The following KCTD3 variants were observed in gnomAD, a reference collection of about 807,000 sequenced individuals.
KCTD3 encodes potassium channel tetramerization domain containing 3, also known as BTB/POZ domain-containing protein KCTD3.
KCTD3 carries 41 observed loss-of-function variants against 85.8 expected under a neutral mutation model. The observed-to-expected ratio is 0.48, with a 90% CI of 0.37 to 0.62. The LOEUF (loss-of-function observed/expected upper bound fraction) is 0.62. Ranked by LOEUF, KCTD3 falls within the 20% of genes least tolerant of loss-of-function variation. The pLI, the probability that KCTD3 is intolerant of heterozygous loss-of-function variation, is 0.00. For missense variants in KCTD3, 724 were observed against 989.9 expected (o/e 0.73, Z 3.60); for synonymous variants, 338 against 345.4 (o/e 0.98, Z 0.24).
intron 1 of KCTD3, among the ~76,000 whole-genome samples, chr1:215,573,391 T>C (rs765920144): frequency 6.6e-6 from 1 of 152,068 alleles, no homozygotes. Context: ...TATGAAGAAG[T>C]TTTGTCCTAT....
intron 3 of KCTD3, among the ~76,000 whole-genome samples, chr1:215,574,961 T>C (rs1234377149): frequency 6.6e-6 from 1 of 152,120 alleles, no homozygotes; most frequent in Non-Finnish European, 1.5e-5. Flanking sequence ...TAAAAAGTTA[T>C]CAATTATGGG....
At chr1:215,612,059 A>G (rs1655253665) in intron 15 of KCTD3, 138 bp downstream of exon 15, 1 of 602,642 alleles carries the variant, frequency 1.7e-6, no homozygotes, top group Non-Finnish European at 3.0e-6. Flanking sequence ...TCTCATAATC[A>G]TAACTCAAAA....
At chr1:215,611,958 C>G in intron 15 of KCTD3, 37 bp downstream of exon 15, 1 of 1,346,994 alleles carries the variant, frequency 7.4e-7, no homozygotes. Context: ...TATTCAGAAG[C>G]CACCTTTTGT....
At position 215,612,495 on chromosome 1, in the gene KCTD3, A is replaced by C. The variant is rs143510475; in HGVS notation, c.1562+574A>C. Among the ~76,000 whole-genome samples, 404 of 152,190 alleles carry C rather than the reference A, an allele frequency of 2.7e-3. 3 individuals are homozygous for C. Among genetic ancestry groups the C allele is most frequent in the Admixed American group, 0.012 (177 of 15,272 alleles). On this transcript the variant is annotated intron_variant, in intron 15 of 17. Transcript: ENST00000259154. ...GAGAGTAGGATTCCTGTCTTTATGC[A>C]GTCTCCTCAGTATTTGTTTGTGAAT...
intron 13 of KCTD3, among the ~76,000 whole-genome samples, chr1:215,604,802 G>A (rs1654952611): frequency 6.6e-6 from 1 of 151,490 alleles, no homozygotes; most frequent in East Asian, 1.9e-4. Context: ...TGCTAAAACT[G>A]TAGATTTAAA....
rs750591543 is a variant in KCTD3, at chr1:215,574,165, G to A, written c.183+47G>A. On this transcript the variant is annotated intron_variant, in intron 3 of 17. Transcript: ENST00000259154. ...ACATATTCCTAAATTAATGCTTATAGTGCTTGGTCCTAACATATAGTTACT... is the reference window on the plus strand; with the variant it reads ...ACATATTCCTAAATTAATGCTTATAATGCTTGGTCCTAACATATAGTTACT... The A allele has an allele frequency of 2.5e-6, 3 of 1,184,158 alleles. No homozygotes were observed. In the South Asian group the frequency reaches 4.3e-5, roughly 17 times the overall value. The allele number at this position is 1,184,158 out of a possible 1,614,324, so 73.4% of individuals were successfully genotyped here.
chr1:215,601,978 G>T lies in KCTD3; in HGVS notation c.1021+24G>T, dbSNP rs373830757. 4.1e-6 allele frequency: 6 copies of T among 1,464,984 alleles called. No homozygotes were observed. In the Admixed American group the frequency reaches 5.2e-5, roughly 13 times the overall value. The allele number at this position is 1,464,984 out of a possible 1,614,324, so 90.7% of individuals were successfully genotyped here. On this transcript the variant is annotated intron_variant, in intron 11 of 17. Transcript: ENST00000259154. Reference sequence around the variant, plus strand: ...AGGTAAGTGTTCAGTCACTTAAAATGCTCCTGCTTAATGTAATTTTTTAAA... The same window carrying T: ...AGGTAAGTGTTCAGTCACTTAAAATTCTCCTGCTTAATGTAATTTTTTAAA...
chr1:215,609,014 A>G (rs111376026), intron 14 of KCTD3, among the ~76,000 whole-genome samples: 2 of 152,028 alleles, frequency 1.3e-5, no homozygotes, highest in African/African-American at 4.8e-5. Flanking sequence ...TCAACTTACA[A>G]TGTAGTGAGC....
At chr1:215,586,387 T>C (rs1043203444) in intron 8 of KCTD3, 108 bp from the exon 9 acceptor site, 1 of 809,018 alleles carries the variant, frequency 1.2e-6, no homozygotes, top group Non-Finnish European at 1.9e-6. Flanking sequence ...AACTGTTTAG[T>C]TTTTTTTTTG....
At chr1:215,616,989 C>G (rs1370075872) in intron 15 of KCTD3, among the ~76,000 whole-genome samples, 1 of 152,128 alleles carries the variant, frequency 6.6e-6, no homozygotes, top group East Asian at 1.9e-4. Flanking sequence ...GGGAGAGGAG[C>G]CGAAGGCTAA....
At chr1:215,572,538 A>G (rs192531420) in intron 1 of KCTD3, among the ~76,000 whole-genome samples, 4 of 152,314 alleles carry the variant, frequency 2.6e-5, no homozygotes, top group African/African-American at 4.8e-5. Context: ...GTGCTATTTA[A>G]TAGCCCACTT....
At chr1:215,608,795 T>G (rs1377296402) in intron 14 of KCTD3, among the ~76,000 whole-genome samples, 1 of 151,952 alleles carries the variant, frequency 6.6e-6, no homozygotes, top group Non-Finnish European at 1.5e-5. Flanking sequence ...CTCACTGTCC[T>G]TATAAGCTAC....
chr1:215,575,921 A>T lies in KCTD3; in HGVS notation c.204A>T (p.Pro68=). 1.9e-6 allele frequency: 3 copies of T among 1,558,908 alleles called. No homozygotes were observed. Among genetic ancestry groups the T allele is most frequent in the Non-Finnish European group, 2.6e-6 (3 of 1,147,782 alleles). Reference sequence around the variant, plus strand: ...TACAGATATTTATTGATAGAGATCCAGCAGCATTTGCACCCATTTTAAATT... The same window carrying T: ...TACAGATATTTATTGATAGAGATCCTGCAGCATTTGCACCCATTTTAAATT... The part of the protein sequence containing the change: ...ETGAIFIDRD[P]AAFAPILNFL... Residue 68 remains proline, a synonymous_variant, in exon 4 of 18, where the codon CCA becomes CCT. Coordinates refer to ENST00000259154, the MANE Select transcript of KCTD3 (RefSeq NM_016121.5).
intron 9 of KCTD3, among the ~76,000 whole-genome samples, chr1:215,594,237 A>G (rs1660327471): frequency 6.6e-6 from 1 of 152,176 alleles, no homozygotes; most frequent in Non-Finnish European, 1.5e-5. Flanking sequence ...ATAAGAACCA[A>G]AAAAGTGGCA....
chr1:215,574,390 A>G (rs180707139), intron 3 of KCTD3, among the ~76,000 whole-genome samples: 31 of 152,310 alleles, frequency 2.0e-4, no homozygotes, highest in African/African-American at 7.0e-4. Flanking sequence ...TTTTAGATCA[A>G]TAATTGAAAC....
At chr1:215,605,313 T>G (rs1654972553) in intron 13 of KCTD3, among the ~76,000 whole-genome samples, 1 of 152,166 alleles carries the variant, frequency 6.6e-6, no homozygotes, top group South Asian at 2.1e-4. Context: ...GATTATGCTT[T>G]TATTGAATGT....
intron 10 of KCTD3, among the ~76,000 whole-genome samples, chr1:215,599,625 AG>A (rs945260484): frequency 6.6e-6 from 1 of 152,164 alleles, no homozygotes; most frequent in Admixed American, 6.5e-5. Flanking sequence ...GACGAAGAAG[AG>A]GAGGCCACAC....
intron 10 of KCTD3, among the ~76,000 whole-genome samples, chr1:215,598,706 A>AG (rs397693523): frequency 6.6e-6 from 1 of 151,868 alleles, no homozygotes; most frequent in African/African-American, 2.4e-5. Flanking sequence ...TTGAAAAAAA[A>AG]TTTTTAATTT....
At chr1:215,569,593 C>CT (rs754210465) in intron 1 of KCTD3, among the ~76,000 whole-genome samples, 3,266 of 130,494 alleles carry the variant, frequency 0.025, 119 homozygotes, top group South Asian at 0.067. Flanking sequence ...GGCACTGTAA[C>CT]TTTTTTTTTT....
Sources: gnomAD v4.1 joint callset for allele counts (sites outside exome capture counted in the v4.1 genomes callset) on GRCh38, gnomAD v4.1.1 for gene constraint, MANE v1.5 for transcripts, NCBI Gene and HGNC (gene_info 2026-07-23, HGNC 2026-07-21) for gene names.